Variants in ZNF777 observed in about 807,000 individuals in gnomAD.
ZNF777 encodes the protein zinc finger protein 777.
In ZNF777, 7 loss-of-function variants were observed where a neutral mutation model predicts 72.1. That is an observed-to-expected ratio of 0.10 (90% CI 0.06 to 0.18). The LOEUF (loss-of-function observed/expected upper bound fraction) is 0.18. Among genes scored for constraint, ZNF777 ranks in the 10% least tolerant of loss-of-function variants. The pLI, the probability that ZNF777 is intolerant of heterozygous loss-of-function variation, is 1.00. For synonymous variants in ZNF777, 545 were observed against 483.5 expected (o/e 1.13, Z -1.67); for missense variants, 828 against 1,128.6 (o/e 0.73, Z 3.82).
At chr7:149,456,993 C>G (rs560130511) in intron 1 of ZNF777, among the ~76,000 whole-genome samples, 2 of 152,280 alleles carry the variant, frequency 1.3e-5, no homozygotes, top group South Asian at 4.1e-4. Flanking sequence ...CTCAGGTGGT[C>G]TGGGTTCCAC....
At chr7:149,452,632 C>CAAAAA (rs869183800) in intron 3 of ZNF777, among the ~76,000 whole-genome samples, 3 of 72,988 alleles carry the variant, frequency 4.1e-5, no homozygotes, top group African/African-American at 1.1e-4. Flanking sequence ...GACTCTGTCT[C>CAAAAA]AAAAAAAAAA....
chr7:149,451,422 G>A (rs534053218), intron 3 of ZNF777, among the ~76,000 whole-genome samples: 6 of 152,286 alleles, frequency 3.9e-5, no homozygotes, highest in African/African-American at 1.4e-4. Context: ...CGGGTGCAGT[G>A]GCTCACACCT....
At chr7:149,442,766 T>C (rs1235233948) in intron 4 of ZNF777, among the ~76,000 whole-genome samples, 1 of 152,184 alleles carries the variant, frequency 6.6e-6, no homozygotes, top group Non-Finnish European at 1.5e-5. Flanking sequence ...ACAAAGATTA[T>C]TCACAGAGTA....
Position 149,431,740 on chromosome 7 carries a change from G to C in ZNF777, c.*36C>G, listed in dbSNP as rs1390183558. 1 of 1,364,662 alleles carries C rather than the reference G, an allele frequency of 7.3e-7. No individual in the cohort carries two copies. Among genetic ancestry groups the C allele is most frequent in the Admixed American group, 3.6e-5 (1 of 27,812 alleles). The allele number at this position is 1,364,662 out of a possible 1,614,324, so 84.5% of individuals were successfully genotyped here. ...CGGTGTCCGAGGGGGGGCACGGCCCGCGCACCTGGCCGGGCGGCGGCGGCG... is the reference window on the plus strand; with the variant it reads ...CGGTGTCCGAGGGGGGGCACGGCCCCCGCACCTGGCCGGGCGGCGGCGGCG... On this transcript the variant is annotated 3_prime_UTR_variant, in exon 6 of 6. Coordinates refer to ENST00000247930, the MANE Select transcript of ZNF777 (RefSeq NM_015694.3).
chr7:149,442,312 C>A (rs1487075630), intron 4 of ZNF777, among the ~76,000 whole-genome samples: 1 of 150,858 alleles, frequency 6.6e-6, no homozygotes, highest in Non-Finnish European at 1.5e-5. Flanking sequence ...CAGACACACA[C>A]ACAAAATATA....
intron 1 of ZNF777, 118 bp from the exon 2 acceptor site, chr7:149,456,155 G>T (rs961047949): frequency 5.4e-6 from 6 of 1,101,464 alleles, no homozygotes; most frequent in Non-Finnish European, 7.4e-6. Context: ...AATAATATGT[G>T]CCCCTCATAT....
chr7:149,452,153 T>C (rs935764443), intron 3 of ZNF777, among the ~76,000 whole-genome samples: 7 of 152,046 alleles, frequency 4.6e-5, no homozygotes, highest in Middle Eastern at 3.4e-3. Context: ...TAGTCCCAGC[T>C]ACTCGGGAGG....
At chr7:149,437,842 T>G (rs1354028476) in intron 4 of ZNF777, among the ~76,000 whole-genome samples, 2 of 149,312 alleles carry the variant, frequency 1.3e-5, no homozygotes, top group Non-Finnish European at 3.0e-5. Context: ...GCCTCTTCTG[T>G]GTTCCTCTAC....
In ZNF777 at chr7:149,431,478, C is replaced by G. The variant is rs965996438; in HGVS notation, c.*298G>C. On this transcript the variant is annotated 3_prime_UTR_variant, in exon 6 of 6. Transcript: ENST00000247930. The stretch of plus-strand genomic sequence containing the variant: ...CACCGCCCCTCTGAGTGGCCGGCGG[C>G]CAAATCACGCCCCCCGTGCTGATTG... 1.8e-5 allele frequency: 8 copies of G among 448,572 alleles called. No individual in the cohort carries two copies. The highest frequency in any genetic ancestry group is 3.6e-5 in the Non-Finnish European group (8 of 223,892). The allele number at this position is 448,572 out of a possible 1,614,324, so 27.8% of individuals were successfully genotyped here.
chr7:149,438,822 G>A (rs1019676679), intron 4 of ZNF777, among the ~76,000 whole-genome samples: 4 of 151,992 alleles, frequency 2.6e-5, no homozygotes, highest in South Asian at 2.1e-4. Flanking sequence ...TCGGATGCGC[G>A]GCACTCCTTT....
Position 149,431,765 on chromosome 7 carries a change from G to A in ZNF777, c.*11C>T, listed in dbSNP as rs768265320. 3.2e-5 allele frequency: 48 copies of A among 1,495,580 alleles called. 1 individual carries two copies. The highest frequency in any genetic ancestry group is 3.8e-4 in the Middle Eastern group (2 of 5,240). The allele number at this position is 1,495,580 out of a possible 1,614,324, so 92.6% of individuals were successfully genotyped here. On this transcript the variant is annotated 3_prime_UTR_variant, in exon 6 of 6. Coordinates refer to ENST00000247930, the MANE Select transcript of ZNF777 (RefSeq NM_015694.3). ...GCGCACCTGGCCGGGCGGCGGCGGC[G>A]GGGCGCGCGCTCACTCGCCCGTGTG...
intron 4 of ZNF777, among the ~76,000 whole-genome samples, chr7:149,448,421 GA>G (rs914744209): frequency 6.7e-6 from 1 of 148,334 alleles, no homozygotes; most frequent in Non-Finnish European, 1.5e-5. Context: ...AGTGAGCAGA[GA>G]TCACGCCACT....
intron 4 of ZNF777, among the ~76,000 whole-genome samples, chr7:149,444,000 A>G (rs1226052313): frequency 1.3e-5 from 2 of 152,188 alleles, no homozygotes; most frequent in Non-Finnish European, 2.9e-5. Context: ...ATTTACCTCC[A>G]TAACTCTAAG....
At chr7:149,440,343 T>C (rs1309932127) in intron 4 of ZNF777, among the ~76,000 whole-genome samples, 1 of 152,100 alleles carries the variant, frequency 6.6e-6, no homozygotes, top group Non-Finnish European at 1.5e-5. Flanking sequence ...AAGATGGAGA[T>C]GGGCAGGAAG....
intron 1 of ZNF777, among the ~76,000 whole-genome samples, chr7:149,457,421 G>A (rs1411602305): frequency 6.6e-6 from 1 of 152,100 alleles, no homozygotes; most frequent in Non-Finnish European, 1.5e-5. Context: ...TTGAAAATTG[G>A]CATAGCCCCA....
chr7:149,439,802 A>G (rs1490389286), intron 4 of ZNF777, among the ~76,000 whole-genome samples: 1 of 152,212 alleles, frequency 6.6e-6, no homozygotes, highest in Admixed American at 6.5e-5. Flanking sequence ...AGTTATCCTT[A>G]GTGATTATCA....
chr7:149,442,742 C>T (rs1266386138), intron 4 of ZNF777, among the ~76,000 whole-genome samples: 1 of 151,902 alleles, frequency 6.6e-6, no homozygotes, highest in East Asian at 1.9e-4. Context: ...GACGAGTAAT[C>T]CAAAAGAATA....
intron 1 of ZNF777, among the ~76,000 whole-genome samples, chr7:149,459,102 A>G (rs1249045312): frequency 1.3e-5 from 2 of 152,204 alleles, no homozygotes; most frequent in Non-Finnish European, 2.9e-5. Context: ...TAAGGCATGT[A>G]AACATCTTCG....
At chr7:149,440,882 G>T (rs10255357) in intron 4 of ZNF777, among the ~76,000 whole-genome samples, 56,520 of 151,612 alleles carry the variant, frequency 0.37, 10,559 homozygotes, top group South Asian at 0.42. Flanking sequence ...GCTTGAAGAC[G>T]AGTGCCTTCA....
Sources: gnomAD v4.1 joint callset for allele counts (sites outside exome capture counted in the v4.1 genomes callset) on GRCh38, gnomAD v4.1.1 for gene constraint, MANE v1.5 for transcripts, NCBI Gene and HGNC (gene_info 2026-07-23, HGNC 2026-07-21) for gene names.